Variants in LRP1B observed in about 807,000 individuals in gnomAD.
LRP1B encodes low-density lipoprotein receptor-related protein 1B.
In LRP1B, 217 loss-of-function variants were observed where a neutral mutation model predicts 556.6. That is an observed-to-expected ratio of 0.39 (90% confidence interval 0.35 to 0.44). The LOEUF is 0.44. Among genes scored for constraint, LRP1B ranks in the 20% least tolerant of loss-of-function variants. The pLI, the probability that LRP1B is intolerant of heterozygous loss-of-function variation, is 1.00. For synonymous variants in LRP1B, 2,047 were observed against 1,865.8 expected, an observed-to-expected ratio of 1.10 and a Z score of -2.50; for missense variants, 5,053 against 5,620.8, an observed-to-expected ratio of 0.90 and a Z score of 3.23.
At chr2:141,718,624 A>G (rs780356230) in intron 2 of LRP1B, among the ~76,000 whole-genome samples, 3 of 152,208 alleles carry the variant, frequency 2.0e-5, no homozygotes, top group Non-Finnish European at 4.4e-5. Context: ...TCATGGACAT[A>G]TGATGTCCAA....
chr2:141,470,332 A>G (rs1013783291), intron 3 of LRP1B, among the ~76,000 whole-genome samples: 25 of 152,216 alleles, frequency 1.6e-4, no homozygotes, highest in Admixed American at 1.6e-3. Flanking sequence ...ATAAGCTACT[A>G]GTAAGATTTA....
At chr2:140,418,253 G>A (rs1039060107) in intron 66 of LRP1B, among the ~76,000 whole-genome samples, 4 of 152,186 alleles carry the variant, frequency 2.6e-5, no homozygotes, top group Non-Finnish European at 5.9e-5. Context: ...GAAAGAGACT[G>A]AACCAGGACT....
intron 41 of LRP1B, among the ~76,000 whole-genome samples, chr2:140,632,888 C>A (rs1436223029): frequency 6.6e-6 from 1 of 151,756 alleles, no homozygotes; most frequent in African/African-American, 2.4e-5. Context: ...ATGGTGAAAC[C>A]CTGTCTCCAC....
At chr2:140,846,288 C>T (rs1052315166) in intron 29 of LRP1B, among the ~76,000 whole-genome samples, 12 of 152,168 alleles carry the variant, frequency 7.9e-5, no homozygotes, top group African/African-American at 2.9e-4. Context: ...CTCATGTGAG[C>T]AATATATACA....
chr2:141,700,390 A>G (rs1178539049), intron 2 of LRP1B, among the ~76,000 whole-genome samples: 4 of 151,842 alleles, frequency 2.6e-5, no homozygotes, highest in African/African-American at 9.7e-5. Context: ...ACACAAGAAG[A>G]AGCCTCATCC....
chr2:142,101,050 CT>C (rs144797406), intron 1 of LRP1B, among the ~76,000 whole-genome samples: 24 of 152,046 alleles, frequency 1.6e-4, no homozygotes, highest in African/African-American at 5.8e-4. Context: ...CCTGATTGAG[CT>C]CTCCCCACTT....
At chr2:142,090,170 G>T (rs9989834) in intron 1 of LRP1B, among the ~76,000 whole-genome samples, 7,884 of 152,008 alleles carry the variant, frequency 0.052, 430 homozygotes, top group African/African-American at 0.14. Context: ...ATGGAGCAAA[G>T]TTGAAAATAT....
At chr2:140,289,887 A>T (rs1298676460) in intron 84 of LRP1B, among the ~76,000 whole-genome samples, 1 of 151,994 alleles carries the variant, frequency 6.6e-6, no homozygotes, top group African/African-American at 2.4e-5. Flanking sequence ...ACTGGAATGT[A>T]AGCACCCAGT....
chr2:140,530,282 T>A (rs1690631525), intron 47 of LRP1B, among the ~76,000 whole-genome samples: 1 of 152,048 alleles, frequency 6.6e-6, no homozygotes, highest in Admixed American at 6.6e-5. Flanking sequence ...AAAAAAGCAC[T>A]GCATCTCTTC....
At chr2:140,306,121 T>G (rs1482422629) in intron 83 of LRP1B, among the ~76,000 whole-genome samples, 5 of 139,684 alleles carry the variant, frequency 3.6e-5, no homozygotes, top group Admixed American at 2.1e-4. Context: ...TCTCTTTTTT[T>G]GTTGTGTCTC....
At chr2:141,784,230 T>A (rs1695353563) in intron 2 of LRP1B, among the ~76,000 whole-genome samples, 1 of 151,980 alleles carries the variant, frequency 6.6e-6, no homozygotes, top group South Asian at 2.1e-4. Flanking sequence ...TAATTACATA[T>A]ACTGGTGGTA....
At position 140,335,844 on chromosome 2, in the gene LRP1B, A is replaced by G. The variant is rs1347944958; in HGVS notation, c.11893-6T>C. ...GGCCTTTTAAATTCAGGACACTACAAGGAAACAAAACAACACACCACGGTA... is the reference window on the plus strand; with the variant it reads ...GGCCTTTTAAATTCAGGACACTACAGGGAAACAAAACAACACACCACGGTA... On this transcript the variant is annotated splice_polypyrimidine_tract_variant and splice_region_variant and intron_variant, in intron 77 of 90. Transcript: ENST00000389484. 2.5e-6 allele frequency: 4 copies of G among 1,578,356 alleles called. No individual in the cohort carries two copies. Among genetic ancestry groups the G allele is most frequent in the Non-Finnish European group, 2.6e-6 (3 of 1,149,158 alleles).
At chr2:140,519,905 C>T (rs765290144) in intron 49 of LRP1B, among the ~76,000 whole-genome samples, 17 of 152,080 alleles carry the variant, frequency 1.1e-4, no homozygotes, top group Non-Finnish European at 2.1e-4. Context: ...AAATCAAAAC[C>T]GCAATGAGAT....
At chr2:141,727,502 G>A (rs1468460105) in intron 2 of LRP1B, among the ~76,000 whole-genome samples, 3 of 152,144 alleles carry the variant, frequency 2.0e-5, no homozygotes, top group Admixed American at 6.6e-5. Context: ...GATTGGGACA[G>A]CATGATTTAA....
chr2:140,339,452 T>C (rs1030494557), intron 77 of LRP1B, among the ~76,000 whole-genome samples: 3 of 151,662 alleles, frequency 2.0e-5, no homozygotes, highest in African/African-American at 7.3e-5. Flanking sequence ...ACATATTTAT[T>C]TGTGATTTTT....
chr2:141,787,526 C>G (rs1010686677), intron 2 of LRP1B, among the ~76,000 whole-genome samples: 4 of 148,404 alleles, frequency 2.7e-5, no homozygotes, highest in African/African-American at 9.9e-5. Context: ...TAGTGTCATA[C>G]TAGAAAAAAT....
chr2:140,829,287 A>T lies in LRP1B; in HGVS notation c.5209+10704T>A, dbSNP rs145368761. On this transcript the variant is annotated intron_variant, in intron 31 of 90. Transcript: ENST00000389484. ...CTACACTCTAGACCAAATGAATCAA[A>T]CTGACATTTACAGAGTATTTTGTCC... Among the ~76,000 whole-genome samples the T allele has an allele frequency of 2.6e-5, 4 of 152,318 alleles. No homozygotes were observed. The East Asian group carries it at 7.7e-4, about 29-fold the overall frequency.
chr2:141,220,907 G>C (rs1264622662), intron 6 of LRP1B, among the ~76,000 whole-genome samples: 1 of 151,940 alleles, frequency 6.6e-6, no homozygotes. Context: ...CTGCCTTGAA[G>C]ACCTCCTGAA....
chr2:141,703,815 A>T (rs1437342), intron 2 of LRP1B, among the ~76,000 whole-genome samples: 52,384 of 151,666 alleles, frequency 0.35, 9,601 homozygotes, highest in East Asian at 0.59. Flanking sequence ...CGGCCTAACT[A>T]GCTTTGTTCA....
Sources: gnomAD v4.1 joint callset for allele counts (sites outside exome capture counted in the v4.1 genomes callset) on GRCh38, gnomAD v4.1.1 for gene constraint, MANE v1.5 for transcripts, NCBI Gene and HGNC (gene_info 2026-07-23, HGNC 2026-07-21) for gene names.